Variants in LRRFIP2 observed in about 807,000 individuals in gnomAD.
LRRFIP2 encodes LRR binding FLII interacting protein 2.
In LRRFIP2, 109 loss-of-function variants were observed where a neutral mutation model predicts 125.9. The ratio of observed to expected loss-of-function variants is 0.87; its 90% CI spans 0.74 to 1.01. LRRFIP2 has a LOEUF of 1.01. Ranked by LOEUF, LRRFIP2 falls within the 50% of genes least tolerant of loss-of-function variation. The pLI, the probability that LRRFIP2 is intolerant of heterozygous loss-of-function variation, is 0.00. For missense variants in LRRFIP2, 850 were observed against 862.3 expected (o/e 0.99, Z 0.18); for synonymous variants, 291 against 293.1 (o/e 0.99, Z 0.07).
chr3:37,109,772 T>C, intron 9 of LRRFIP2, 69 bp from the exon 10 acceptor site: 1 of 1,341,730 alleles, frequency 7.5e-7, no homozygotes, highest in South Asian at 1.2e-5. Context: ...CCATCATGAA[T>C]GCAGAGGACT....
At chr3:37,151,529 T>C (rs1472592733) in intron 1 of LRRFIP2, among the ~76,000 whole-genome samples, 1 of 152,122 alleles carries the variant, frequency 6.6e-6, no homozygotes, top group Non-Finnish European at 1.5e-5. Context: ...TAACAGTGTA[T>C]ACATTGCTGG....
chr3:37,132,037 G>A (rs2095440279), intron 2 of LRRFIP2, among the ~76,000 whole-genome samples: 1 of 152,050 alleles, frequency 6.6e-6, no homozygotes, highest in Non-Finnish European at 1.5e-5. Context: ...TTTCTCCCAT[G>A]AATTTTACAC....
At chr3:37,147,450 C>T (rs1056509657) in intron 2 of LRRFIP2, among the ~76,000 whole-genome samples, 5 of 152,134 alleles carry the variant, frequency 3.3e-5, no homozygotes, top group Admixed American at 6.5e-5. Context: ...TCAACCCAAA[C>T]GCTCTCATTG....
At position 37,149,046 on chromosome 3, in the gene LRRFIP2, A is replaced by T; in HGVS notation, c.-55-8T>A. The stretch of plus-strand genomic sequence containing the variant: ...TTAACTGTGTTTTCAGCCCTGAAGT[A>T]AACAAAAACATAATAACTTAAGGTA... On this transcript the variant is annotated splice_region_variant and splice_polypyrimidine_tract_variant and intron_variant, in intron 1 of 27. Coordinates refer to ENST00000336686, the MANE Select transcript of LRRFIP2 (RefSeq NM_006309.4). The T allele has an allele frequency of 1.8e-5, 29 of 1,588,792 alleles. No individual in the cohort carries two copies. Among genetic ancestry groups the T allele is most frequent in the Non-Finnish European group, 2.4e-5 (28 of 1,169,232 alleles).
chr3:37,128,200 C>T (rs1448713043), intron 3 of LRRFIP2, among the ~76,000 whole-genome samples: 1 of 152,160 alleles, frequency 6.6e-6, no homozygotes, highest in Admixed American at 6.6e-5. Context: ...TGAGCTGTGA[C>T]AATATAAAAT....
At chr3:37,150,125 G>A (rs1370793120) in intron 1 of LRRFIP2, among the ~76,000 whole-genome samples, 1 of 152,132 alleles carries the variant, frequency 6.6e-6, no homozygotes. Context: ...ACTATAGGAG[G>A]TGCTAAAGGT....
intron 2 of LRRFIP2, chr3:37,143,924 G>A (rs891366126): frequency 7.2e-5 from 11 of 152,892 alleles, no homozygotes; most frequent in African/African-American, 2.7e-4. Context: ...CTCAAGCTCT[G>A]CAACCTCTTT....
chr3:37,105,884 G>GAC (rs2094297386), intron 13 of LRRFIP2, among the ~76,000 whole-genome samples: 1 of 152,166 alleles, frequency 6.6e-6, no homozygotes, highest in Non-Finnish European at 1.5e-5. Flanking sequence ...GACCAACATG[G>GAC]TGAAACCCCG....
chr3:37,081,822 G>A (rs2092666128), intron 19 of LRRFIP2, among the ~76,000 whole-genome samples: 1 of 151,232 alleles, frequency 6.6e-6, no homozygotes, highest in Non-Finnish European at 1.5e-5. Context: ...TGGAGACAGA[G>A]GCTGCAGTGA....
Position 37,054,609 on chromosome 3 carries a change from C to T in LRRFIP2, c.1951-94G>A, listed in dbSNP as rs888073835. The T allele has an allele frequency of 5.1e-6, 4 of 791,880 alleles. No individual in the cohort carries two copies. In the Admixed American group the frequency reaches 7.2e-5, roughly 14 times the overall value. The allele number at this position is 791,880 out of a possible 1,614,324, so 49.1% of individuals were successfully genotyped here. On this transcript the variant is annotated intron_variant, in intron 26 of 27. Coordinates refer to ENST00000336686, the MANE Select transcript of LRRFIP2 (RefSeq NM_006309.4). ...GGAAATACAATGTCATTATAAATGC[C>T]AAGTAATCTACTAACAAGTCCCCTA...
At chr3:37,167,351 G>C (rs2096519365) in intron 1 of LRRFIP2, among the ~76,000 whole-genome samples, 2 of 152,000 alleles carry the variant, frequency 1.3e-5, no homozygotes, top group Admixed American at 6.6e-5. Flanking sequence ...TTTTGTGTTA[G>C]AAAACAGGGC....
chr3:37,112,862 T>G, intron 8 of LRRFIP2, 53 bp downstream of exon 8: 1 of 1,009,468 alleles, frequency 9.9e-7, no homozygotes, highest in Non-Finnish European at 1.5e-6. Context: ...TCATAATCCT[T>G]AAGTTCCTAA....
chr3:37,104,106 T>A (rs1458624541), intron 14 of LRRFIP2, among the ~76,000 whole-genome samples: 1 of 152,152 alleles, frequency 6.6e-6, no homozygotes, highest in Non-Finnish European at 1.5e-5. Flanking sequence ...AATCAAGCAA[T>A]GGTATTTTTA....
intron 15 of LRRFIP2, among the ~76,000 whole-genome samples, chr3:37,101,249 C>T (rs6550454): frequency 0.017 from 2,601 of 151,342 alleles, 79 homozygotes; most frequent in African/African-American, 0.059. Flanking sequence ...CCCAGCTACT[C>T]GGGAGGCTGA....
intron 20 of LRRFIP2, among the ~76,000 whole-genome samples, 171 bp from the exon 21 acceptor site, chr3:37,073,053 G>A (rs2091505448): frequency 6.6e-6 from 1 of 152,110 alleles, no homozygotes. Flanking sequence ...GACATTCACA[G>A]TCTTGGCCAC....
At chr3:37,055,234 CCTCTGTGGCA>C in intron 25 of LRRFIP2, 69 bp from the exon 26 acceptor site, 1 of 910,402 alleles carries the variant, frequency 1.1e-6, no homozygotes, top group Non-Finnish European at 1.7e-6. Flanking sequence ...TCAGGCAGTA[CCTCTGTGGCA>C]CAGAGAGGAC....
chr3:37,092,452 G>A (rs1211580383), intron 17 of LRRFIP2, among the ~76,000 whole-genome samples: 1 of 152,150 alleles, frequency 6.6e-6, no homozygotes, highest in Non-Finnish European at 1.5e-5. Flanking sequence ...ATTTATGAAG[G>A]ACCTATTTAG....
chr3:37,112,913 A>C lies in LRRFIP2; in HGVS notation c.438+2T>G. On this transcript the variant is annotated splice_donor_variant, in intron 8 of 27. Transcript: ENST00000336686. LOFTEE classifies it high-confidence loss of function. ...TGTGATATGAGAGACAACAGAACTA[A>C]CCAGTAGGTCTTTATGAGAATCAGA... 1 of 1,537,060 alleles carries C rather than the reference A, an allele frequency of 6.5e-7. No homozygotes were observed. Among genetic ancestry groups the C allele is most frequent in the Non-Finnish European group, 8.9e-7 (1 of 1,120,772 alleles).
intron 12 of LRRFIP2, among the ~76,000 whole-genome samples, chr3:37,108,407 A>G (rs2094427727): frequency 1.3e-5 from 2 of 152,234 alleles, no homozygotes; most frequent in Non-Finnish European, 2.9e-5. Flanking sequence ...GCATTTCCCT[A>G]ATACTTGAAA....
Sources: gnomAD v4.1 joint callset for allele counts (sites outside exome capture counted in the v4.1 genomes callset) on GRCh38, gnomAD v4.1.1 for gene constraint, MANE v1.5 for transcripts, NCBI Gene and HGNC (gene_info 2026-07-23, HGNC 2026-07-21) for gene names.